The following PLCB1 variants were observed in gnomAD, a reference collection of about 807,000 sequenced individuals.
PLCB1 encodes the protein phospholipase C beta 1.
In PLCB1, 46 loss-of-function variants were observed where a neutral mutation model predicts 161.8. The observed-to-expected ratio is 0.28, with a 90% CI of 0.22 to 0.36. The LOEUF (loss-of-function observed/expected upper bound fraction) is 0.36. Ranked by LOEUF, PLCB1 falls within the 10% of genes least tolerant of loss-of-function variation. The pLI is 1.00. For synonymous variants in PLCB1, 517 were observed against 503.7 expected, an observed-to-expected ratio of 1.03 and a Z score of -0.35; for missense variants, 1,016 against 1,472.5, an observed-to-expected ratio of 0.69 and a Z score of 5.07.
chr20:8,308,973 G>T (rs1373229204), intron 2 of PLCB1, among the ~76,000 whole-genome samples: 1 of 148,272 alleles, frequency 6.7e-6, no homozygotes, highest in Non-Finnish European at 1.5e-5. Context: ...AATCCATATA[G>T]TTTTTTTTTT....
intron 3 of PLCB1, among the ~76,000 whole-genome samples, chr20:8,561,524 C>T (rs1488381879): frequency 1.3e-5 from 2 of 151,848 alleles, no homozygotes; most frequent in African/African-American, 2.4e-5. Flanking sequence ...GAAGTTCAAG[C>T]GTCTCTTTCT....
intron 31 of PLCB1, 146 bp from the exon 32 acceptor site, chr20:8,881,476 A>C: frequency 3.0e-6 from 2 of 671,298 alleles, no homozygotes; most frequent in South Asian, 3.7e-5. Flanking sequence ...ACTTTGTTAC[A>C]TCTCCTCTAT....
In PLCB1 at chr20:8,205,195, T is replaced by C. The variant is rs532463929; in HGVS notation, c.177+54824T>C. Among the ~76,000 whole-genome samples, 515 of 152,326 alleles carry C rather than the reference T, an allele frequency of 3.4e-3. 2 individuals are homozygous for C. Among genetic ancestry groups the C allele is most frequent in the Non-Finnish European group, 2.9e-3 (194 of 68,008 alleles). On this transcript the variant is annotated intron_variant, in intron 2 of 31. Coordinates refer to ENST00000338037, the MANE Select transcript of PLCB1 (RefSeq NM_015192.4). ...AAAAGGTGATTAATATTCTTACACA[T>C]GTTGAAACAGAACAATATGAGTTTT...
At chr20:8,788,750 A>C in intron 29 of PLCB1, 28 bp downstream of exon 29, 1 of 1,380,370 alleles carries the variant, frequency 7.2e-7, no homozygotes, top group Non-Finnish European at 1.0e-6. Flanking sequence ...CCTCTCCCAA[A>C]CAGTTCATCT....
At chr20:8,134,080 A>G (rs1422843082) in intron 1 of PLCB1, among the ~76,000 whole-genome samples, 3 of 152,244 alleles carry the variant, frequency 2.0e-5, no homozygotes, top group African/African-American at 7.2e-5. Context: ...GTAGGCAAGG[A>G]TGTAAACATA....
At chr20:8,591,872 C>G (rs1317536501) in intron 3 of PLCB1, among the ~76,000 whole-genome samples, 1 of 152,080 alleles carries the variant, frequency 6.6e-6, no homozygotes, top group Non-Finnish European at 1.5e-5. Flanking sequence ...TAACAATAAC[C>G]GGTACAGCTT....
intron 31 of PLCB1, among the ~76,000 whole-genome samples, chr20:8,800,010 C>G (rs529753457): frequency 2.7e-4 from 41 of 152,230 alleles, no homozygotes; most frequent in African/African-American, 9.6e-4. Flanking sequence ...GTTGAATCCA[C>G]AGATGTGGAA....
intron 31 of PLCB1, among the ~76,000 whole-genome samples, chr20:8,821,392 T>A (rs1264579167): frequency 6.8e-6 from 1 of 146,936 alleles, no homozygotes. Context: ...GCAGGAGAAT[T>A]GCTTGAACCT....
rs6039164 is a variant in PLCB1 at position 8,440,414 on chromosome 20, T to C, written c.246+68964T>C. 1.2e-3 allele frequency among the ~76,000 whole-genome samples: 184 copies of C among 152,316 alleles called. 2 individuals carry two copies. The highest frequency in any genetic ancestry group is 4.2e-3 in the African/African-American group (175 of 41,572). ...TGACTTGACTGTTACAGCTAGAACA[T>C]TGAAGAAAGAAGGGAAGCAGGTCAA... On this transcript the variant is annotated intron_variant, in intron 3 of 31. Transcript: ENST00000338037.
intron 3 of PLCB1, among the ~76,000 whole-genome samples, chr20:8,410,958 G>C (rs1326031713): frequency 6.6e-6 from 1 of 152,194 alleles, no homozygotes; most frequent in East Asian, 1.9e-4. Context: ...AAGAGGCAGG[G>C]ACCTGAATCT....
At chr20:8,354,490 C>G (rs1986295656) in intron 2 of PLCB1, among the ~76,000 whole-genome samples, 1 of 152,112 alleles carries the variant, frequency 6.6e-6, no homozygotes, top group Admixed American at 6.6e-5. Context: ...TTTCTCTTTA[C>G]TTCGTAATTT....
intron 15 of PLCB1, among the ~76,000 whole-genome samples, 179 bp downstream of exon 15, chr20:8,722,600 T>C (rs1468614553): frequency 6.6e-6 from 1 of 152,164 alleles, no homozygotes; most frequent in East Asian, 1.9e-4. Flanking sequence ...CCGGAGAAGA[T>C]ATGGCGTTTA....
Position 8,433,706 on chromosome 20 carries a change from TTCCTCCTCCTCCTCCTCA to T in PLCB1, c.246+62274_246+62291del, listed in dbSNP as rs1033183201. The stretch of plus-strand genomic sequence containing the variant: ...AAATGACGAGTGTATCCTTCTCCTC[TTCCTCCTCCTCCTCCTCA>T]TCCTCCTCCTCCTCCTCCTCATGGA... On this transcript the variant is annotated intron_variant, in intron 3 of 31. Transcript: ENST00000338037. 7.5e-5 allele frequency among the ~76,000 whole-genome samples: 11 copies of T among 146,770 alleles called. 2 individuals are homozygous for T. Among genetic ancestry groups the T allele is most frequent in the African/African-American group, 2.0e-4 (8 of 39,092 alleles).
At chr20:8,740,611 T>G (rs1980826617) in intron 22 of PLCB1, among the ~76,000 whole-genome samples, 163 bp downstream of exon 22, 1 of 152,244 alleles carries the variant, frequency 6.6e-6, no homozygotes, top group Non-Finnish European at 1.5e-5. Context: ...GTAAATTGCT[T>G]GAGCCATTGT....
intron 3 of PLCB1, among the ~76,000 whole-genome samples, chr20:8,493,740 C>G: frequency 1.4e-5 from 1 of 73,470 alleles, no homozygotes; most frequent in Non-Finnish European, 2.9e-5. Flanking sequence ...CAGGTAGTAG[C>G]CCTTACCTTG....
At chr20:8,225,061 A>G (rs1339842276) in intron 2 of PLCB1, among the ~76,000 whole-genome samples, 1 of 152,192 alleles carries the variant, frequency 6.6e-6, no homozygotes, top group Non-Finnish European at 1.5e-5. Flanking sequence ...ACTTTGATCT[A>G]AACACCGTCT....
At chr20:8,697,081 C>T (rs1990600542) in intron 10 of PLCB1, among the ~76,000 whole-genome samples, 1 of 152,168 alleles carries the variant, frequency 6.6e-6, no homozygotes, top group African/African-American at 2.4e-5. Flanking sequence ...GAATGTTTAG[C>T]TTTTCTCAGC....
intron 3 of PLCB1, among the ~76,000 whole-genome samples, chr20:8,595,568 C>T (rs1987314146): frequency 6.9e-6 from 1 of 143,992 alleles, no homozygotes; most frequent in South Asian, 2.3e-4. Flanking sequence ...CATACGTGTG[C>T]ATGTGTCTTT....
intron 3 of PLCB1, among the ~76,000 whole-genome samples, chr20:8,600,165 G>A (rs1600182028): frequency 1.5e-5 from 2 of 136,908 alleles, no homozygotes; most frequent in East Asian, 4.2e-4. Context: ...CTTTGGAGGA[G>A]GAGAGGCGCT....
Sources: allele counts gnomAD v4.1 joint callset (sites outside exome capture counted in the v4.1 genomes callset), GRCh38; gene constraint gnomAD v4.1.1; transcripts MANE v1.5; gene names NCBI Gene and HGNC (gene_info 2026-07-23, HGNC 2026-07-21).